The following SNTG1 variants were observed in gnomAD, a reference collection of about 807,000 sequenced individuals.
The protein encoded by SNTG1 is syntrophin gamma 1, also known as gamma-1-syntrophin.
In SNTG1, 39 loss-of-function variants were observed where a neutral mutation model predicts 74.7. That is an observed-to-expected ratio of 0.52 (90% CI 0.40 to 0.68). The LOEUF is 0.68. Among genes scored for constraint, SNTG1 ranks in the 30% least tolerant of loss-of-function variants. The pLI, the probability that SNTG1 is intolerant of heterozygous loss-of-function variation, is 0.00. For synonymous variants in SNTG1, 254 were observed against 217.1 expected (o/e 1.17, Z -1.49); for missense variants, 685 against 609.5 (o/e 1.12, Z -1.30).
intron 8 of SNTG1, among the ~76,000 whole-genome samples, chr8:50,469,706 T>C (rs1240212953): frequency 1.3e-5 from 2 of 152,116 alleles, no homozygotes; most frequent in Admixed American, 1.3e-4. Context: ...ATTGCAGGCA[T>C]GGTGGCTCAC....
intron 2 of SNTG1, among the ~76,000 whole-genome samples, chr8:50,202,223 C>T (rs375572094): frequency 1.3e-5 from 2 of 152,122 alleles, no homozygotes; most frequent in South Asian, 2.1e-4. Flanking sequence ...TATTAATTTT[C>T]ACTTTATGTT....
At chr8:50,558,911 T>C (rs916152543) in intron 12 of SNTG1, among the ~76,000 whole-genome samples, 6 of 152,222 alleles carry the variant, frequency 3.9e-5, no homozygotes, top group African/African-American at 1.4e-4. Context: ...CAACAAATAT[T>C]TATTGAATAC....
intron 2 of SNTG1, among the ~76,000 whole-genome samples, chr8:50,376,380 T>C (rs2092380796): frequency 6.6e-6 from 1 of 152,188 alleles, no homozygotes; most frequent in Admixed American, 6.5e-5. Context: ...GAGGTTTTCT[T>C]TGCAGCAGTA....
intron 1 of SNTG1, among the ~76,000 whole-genome samples, chr8:49,991,210 T>A (rs755047731): frequency 1.7e-4 from 26 of 152,290 alleles, no homozygotes; most frequent in Non-Finnish European, 7.4e-5. Flanking sequence ...TCTTTTTACC[T>A]GCCAGTTGCA....
rs1234008610 is a variant in SNTG1 at position 50,056,231 on chromosome 8, A to G, written c.-102-116330A>G. 5.9e-5 allele frequency among the ~76,000 whole-genome samples: 9 copies of G among 152,220 alleles called. No individual in the cohort carries two copies. In the South Asian group the frequency reaches 1.0e-3, roughly 18 times the overall value. ...TTGAGTTAGAGCAAATTAATGAAAG[A>G]CAATATGTCCTACTATGTTCCACAG... On this transcript the variant is annotated intron_variant, in intron 1 of 18. Transcript: ENST00000642720.
At chr8:50,652,465 G>A (rs2095153118) in intron 13 of SNTG1, among the ~76,000 whole-genome samples, 1 of 151,916 alleles carries the variant, frequency 6.6e-6, no homozygotes. Flanking sequence ...CATTTCTTTT[G>A]TTGTAGTTCC....
intron 5 of SNTG1, among the ~76,000 whole-genome samples, chr8:50,448,166 C>T (rs373204369): frequency 2.0e-5 from 3 of 152,048 alleles, no homozygotes; most frequent in Non-Finnish European, 4.4e-5. Context: ...CTGAGGGGTG[C>T]GGTGCATGAA....
Position 50,349,845 on chromosome 8 carries a change from C to T in SNTG1, c.-27-44367C>T, listed in dbSNP as rs533850201. ...ACTTGAGGAGCCCTTCAGCCAACTG[C>T]TGCACTGTGGGAGCCCCTTTCTGGG... On this transcript the variant is annotated intron_variant, in intron 2 of 18. Coordinates refer to ENST00000642720, the MANE Select transcript of SNTG1 (RefSeq NM_018967.5). Among the ~76,000 whole-genome samples, 16 of 152,326 alleles carry T rather than the reference C, an allele frequency of 1.1e-4. 1 individual carries two copies. The East Asian group carries it at 2.7e-3, about 26-fold the overall frequency.
intron 18 of SNTG1, among the ~76,000 whole-genome samples, chr8:50,774,029 A>C (rs574031839): frequency 6.6e-6 from 1 of 152,184 alleles, no homozygotes; most frequent in South Asian, 2.1e-4. Context: ...GAATATGAAG[A>C]GTTCACAATA....
intron 1 of SNTG1, among the ~76,000 whole-genome samples, chr8:49,946,974 T>C (rs1161517373): frequency 6.6e-6 from 1 of 152,208 alleles, no homozygotes; most frequent in Non-Finnish European, 1.5e-5. Context: ...TAGCAATTCG[T>C]AATAGCTACG....
chr8:50,588,082 T>C (rs2094665247), intron 12 of SNTG1, among the ~76,000 whole-genome samples: 1 of 150,750 alleles, frequency 6.6e-6, no homozygotes. Context: ...ATTGCACTGC[T>C]GCACTACAGC....
In SNTG1 at chr8:50,519,898, A is replaced by C. The variant is rs191088209; in HGVS notation, c.467-10279A>C. 2.2e-3 allele frequency among the ~76,000 whole-genome samples: 340 copies of C among 152,318 alleles called. 3 individuals carry two copies. Among genetic ancestry groups the C allele is most frequent in the Non-Finnish European group, 5.1e-4 (35 of 68,024 alleles). ...ACTACCCAAAGAAATTTATAGATTC[A>C]AGCTACCATTGACTTTCTTCACAGA... On this transcript the variant is annotated intron_variant, in intron 9 of 18. Transcript: ENST00000642720.
intron 1 of SNTG1, among the ~76,000 whole-genome samples, chr8:50,139,613 A>G (rs549795994): frequency 2.6e-5 from 4 of 152,368 alleles, no homozygotes; most frequent in African/African-American, 9.6e-5. Flanking sequence ...AAGACTAGAA[A>G]GACACATCAT....
intron 10 of SNTG1, 89 bp downstream of exon 10, chr8:50,530,348 AG>A: frequency 8.3e-7 from 1 of 1,207,640 alleles, no homozygotes; most frequent in South Asian, 1.3e-5. Context: ...TCTGACAGAT[AG>A]GAAATCCCTG....
intron 1 of SNTG1, among the ~76,000 whole-genome samples, chr8:50,021,697 G>T (rs1021672157): frequency 6.6e-6 from 1 of 152,064 alleles, no homozygotes; most frequent in Non-Finnish European, 1.5e-5. Flanking sequence ...CATGTTGGGA[G>T]CCCAAAGTGG....
At chr8:50,290,416 A>T (rs1255925370) in intron 2 of SNTG1, among the ~76,000 whole-genome samples, 1 of 152,186 alleles carries the variant, frequency 6.6e-6, no homozygotes, top group Non-Finnish European at 1.5e-5. Flanking sequence ...CGTAGGGTGA[A>T]TAATGCCATT....
chr8:50,677,447 G>T (rs1331793307), intron 15 of SNTG1, among the ~76,000 whole-genome samples: 4 of 151,808 alleles, frequency 2.6e-5, no homozygotes, highest in African/African-American at 9.7e-5. Context: ...AATGGGTTTT[G>T]TTGCACAAAT....
chr8:49,910,853 G>C (rs575172051), upstream of SNTG1: 5 of 152,374 alleles, frequency 3.3e-5, no homozygotes, highest in South Asian at 1.0e-3. Context: ...TCTTTATCCC[G>C]TCCTTTGTGA....
intron 9 of SNTG1, among the ~76,000 whole-genome samples, chr8:50,514,418 G>C (rs1458225759): frequency 6.6e-6 from 1 of 151,990 alleles, no homozygotes; most frequent in Non-Finnish European, 1.5e-5. Context: ...TTTGTATGTT[G>C]TGTTTCATTT....
Sources: gnomAD v4.1 joint callset for allele counts (sites outside exome capture counted in the v4.1 genomes callset) on GRCh38, gnomAD v4.1.1 for gene constraint, MANE v1.5 for transcripts, NCBI Gene and HGNC (gene_info 2026-07-23, HGNC 2026-07-21) for gene names.